The following CNTN5 variants were observed in gnomAD, a reference collection of about 807,000 sequenced individuals.
CNTN5 encodes contactin-5.
CNTN5 carries 77 observed loss-of-function variants against 129.1 expected under a neutral mutation model. That is an observed-to-expected ratio of 0.60 (90% CI 0.50 to 0.72). The LOEUF is 0.72. CNTN5 is among the 30% of genes least tolerant of loss of function. CNTN5 has a pLI of 0.00. For synonymous variants in CNTN5, 509 were observed against 465.6 expected, an observed-to-expected ratio of 1.09 and a Z score of -1.20; for missense variants, 1,478 against 1,328.8, an observed-to-expected ratio of 1.11 and a Z score of -1.75.
rs113088255 is a variant in CNTN5, at chr11:99,987,990, C to G, written c.878-14044C>G. Among the ~76,000 whole-genome samples the G allele has an allele frequency of 9.9e-3, 1,505 of 152,316 alleles. 21 individuals are homozygous for G. Among genetic ancestry groups the G allele is most frequent in the African/African-American group, 0.034 (1,406 of 41,576 alleles). On this transcript the variant is annotated intron_variant, in intron 8 of 24. Coordinates refer to ENST00000524871, the MANE Select transcript of CNTN5 (RefSeq NM_014361.4). ...TTCAGTTAATGTTTATTCCCATCCACTTTACATCTAGAGTCTTTAATGCAC... is the reference window on the plus strand; with the variant it reads ...TTCAGTTAATGTTTATTCCCATCCAGTTTACATCTAGAGTCTTTAATGCAC...
At chr11:99,107,077 T>TAA (rs1254733382) in intron 1 of CNTN5, among the ~76,000 whole-genome samples, 2 of 152,162 alleles carry the variant, frequency 1.3e-5, no homozygotes, top group Non-Finnish European at 2.9e-5. Context: ...GTGATAGCTG[T>TAA]AAATGTTCTC....
At position 100,357,986 on chromosome 11, in the gene CNTN5, G is replaced by T. The variant is rs1246092210; in HGVS notation, c.*1766G>T. 1 of 151,842 alleles carries T rather than the reference G, an allele frequency of 6.6e-6. No individual in the cohort carries two copies. The highest frequency in any genetic ancestry group is 1.9e-4 in the East Asian group (1 of 5,168). The allele number at this position is 151,842 out of a possible 1,614,324, so 9.4% of individuals were successfully genotyped here. Reference sequence around the variant, plus strand: ...TTTAAGCCTGTAAGTAAGTAATTATGACCAAGTGGCCTTTCTTGAACGCCT... The same window carrying T: ...TTTAAGCCTGTAAGTAAGTAATTATTACCAAGTGGCCTTTCTTGAACGCCT... On this transcript the variant is annotated 3_prime_UTR_variant, in exon 25 of 25. Transcript: ENST00000524871.
intron 3 of CNTN5, among the ~76,000 whole-genome samples, chr11:99,589,807 A>G (rs573984215): frequency 6.6e-6 from 1 of 152,356 alleles, no homozygotes; most frequent in African/African-American, 2.4e-5. Flanking sequence ...AAGGAATGGC[A>G]CATGTTTACA....
At chr11:99,966,008 A>G (rs1451967616) in intron 8 of CNTN5, among the ~76,000 whole-genome samples, 1 of 152,194 alleles carries the variant, frequency 6.6e-6, no homozygotes, top group Non-Finnish European at 1.5e-5. Flanking sequence ...TGGGTTTTAG[A>G]AACCTCTCAA....
chr11:99,778,910 C>T (rs1470885587), intron 3 of CNTN5, among the ~76,000 whole-genome samples: 1 of 105,508 alleles, frequency 9.5e-6, no homozygotes, highest in Admixed American at 1.0e-4. Context: ...CATTTTATTA[C>T]ATCATTCTCA....
rs140570650 is a variant in CNTN5, at chr11:99,645,759, C to T, written c.55+89490C>T. On this transcript the variant is annotated intron_variant, in intron 3 of 24. Coordinates refer to ENST00000524871, the MANE Select transcript of CNTN5 (RefSeq NM_014361.4). ...TGGTAGTTGAACAATGAGAACACAT[C>T]GCCACAGGGAGGGGAACATTGCACA... is the stretch of plus-strand genomic sequence containing the variant. Among the ~76,000 whole-genome samples, 630 of 136,524 alleles carry T rather than the reference C, an allele frequency of 4.6e-3. 18 individuals carry two copies. In the East Asian group the frequency reaches 0.097, roughly 21 times the overall value. 89.6% of individuals were successfully genotyped at this position (136,524 alleles called of 152,430 possible). A position where few individuals can be genotyped will look rare whatever the true frequency, so the allele number is the denominator to read the frequency against.
At chr11:99,201,447 C>G (rs1330632998) in intron 1 of CNTN5, among the ~76,000 whole-genome samples, 1 of 145,436 alleles carries the variant, frequency 6.9e-6, no homozygotes, top group Non-Finnish European at 1.5e-5. Flanking sequence ...TTCTTCCTTT[C>G]TCTTTCCTTT....
chr11:100,200,050 T>C (rs1209662565), intron 15 of CNTN5, among the ~76,000 whole-genome samples: 1 of 152,006 alleles, frequency 6.6e-6, no homozygotes, highest in Admixed American at 6.6e-5. Flanking sequence ...TTTGTTTCCT[T>C]GCTTTTTTAC....
rs558950673 is a variant in CNTN5, at chr11:99,271,031, G to A, written c.-209-54315G>A. ...TTACACCTTCAGAGTGTAGAGCTGT[G>A]TTTGGAACATGATAAATATTTGCTA... is the stretch of plus-strand genomic sequence containing the variant. On this transcript the variant is annotated intron_variant, in intron 1 of 24. Coordinates refer to ENST00000524871, the MANE Select transcript of CNTN5 (RefSeq NM_014361.4). Among the ~76,000 whole-genome samples the A allele has an allele frequency of 3.3e-5, 5 of 152,058 alleles. No individual in the cohort carries two copies. The East Asian group carries it at 9.7e-4, about 30-fold the overall frequency.
At chr11:99,539,207 T>G (rs1948009088) in intron 2 of CNTN5, among the ~76,000 whole-genome samples, 1 of 152,126 alleles carries the variant, frequency 6.6e-6, no homozygotes, top group Non-Finnish European at 1.5e-5. Flanking sequence ...CATTGCAAAG[T>G]GAAATACAAT....
intron 6 of CNTN5, among the ~76,000 whole-genome samples, chr11:99,898,327 G>GA (rs1303105483): frequency 1.3e-5 from 2 of 150,868 alleles, no homozygotes; most frequent in African/African-American, 2.4e-5. Context: ...CTAGCCTAAG[G>GA]AAAAAAAAGA....
intron 3 of CNTN5, among the ~76,000 whole-genome samples, chr11:99,615,996 A>G (rs1295055262): frequency 6.6e-6 from 1 of 152,046 alleles, no homozygotes; most frequent in African/African-American, 2.4e-5. Flanking sequence ...TCGGCCTCTC[A>G]ATGTGTTGGG....
intron 2 of CNTN5, among the ~76,000 whole-genome samples, chr11:99,400,333 G>C (rs1941737431): frequency 6.6e-6 from 1 of 152,036 alleles, no homozygotes; most frequent in South Asian, 2.1e-4. Context: ...CATTATGAAC[G>C]GAATGAACAA....
chr11:99,959,598 G>C (rs1950889094), intron 8 of CNTN5, among the ~76,000 whole-genome samples: 1 of 152,080 alleles, frequency 6.6e-6, no homozygotes, highest in Admixed American at 6.6e-5. Context: ...AACTAATACT[G>C]TTTTGGTCAT....
At position 99,718,950 on chromosome 11, in the gene CNTN5, G is replaced by C. The variant is rs547544522; in HGVS notation, c.56-100594G>C. ...TCCTCAAGGATTTTCACCGGTAATA[G>C]AAAGGGCTTTTATATTCAAGATAAA... is the stretch of plus-strand genomic sequence containing the variant. On this transcript the variant is annotated intron_variant, in intron 3 of 24. Transcript: ENST00000524871. 2.4e-4 allele frequency among the ~76,000 whole-genome samples: 36 copies of C among 152,160 alleles called. 1 individual carries two copies. The South Asian group carries it at 7.3e-3, about 31-fold the overall frequency.
intron 1 of CNTN5, among the ~76,000 whole-genome samples, chr11:99,153,200 T>C (rs968305593): frequency 2.0e-5 from 3 of 152,230 alleles, no homozygotes; most frequent in African/African-American, 7.2e-5. Flanking sequence ...TCTAGCAAGG[T>C]TGGGGAAATT....
At chr11:99,540,738 CTA>C (rs1948074520) in intron 2 of CNTN5, among the ~76,000 whole-genome samples, 1 of 152,090 alleles carries the variant, frequency 6.6e-6, no homozygotes, top group East Asian at 2.0e-4. Flanking sequence ...AGCTACGGGG[CTA>C]TGTCTGTCTT....
intron 3 of CNTN5, among the ~76,000 whole-genome samples, chr11:99,701,480 T>C (rs913229906): frequency 2.0e-5 from 3 of 151,080 alleles, no homozygotes; most frequent in African/African-American, 4.8e-5. Context: ...TATCCAGATG[T>C]TTTTCAAAGT....
chr11:99,426,879 A>G (rs1214226868), intron 2 of CNTN5, among the ~76,000 whole-genome samples: 1 of 152,240 alleles, frequency 6.6e-6, no homozygotes, highest in Admixed American at 6.5e-5. Context: ...CAGGAATCAT[A>G]GCCCTGTAAC....
Sources: gnomAD v4.1 joint callset for allele counts (sites outside exome capture counted in the v4.1 genomes callset) on GRCh38, gnomAD v4.1.1 for gene constraint, MANE v1.5 for transcripts, NCBI Gene and HGNC (gene_info 2026-07-23, HGNC 2026-07-21) for gene names.